CCDC186: variants seen among roughly 807,000 people sequenced by gnomAD.
The protein encoded by CCDC186 is coiled-coil domain-containing protein 186.
In CCDC186, 49 loss-of-function variants were observed where a neutral mutation model predicts 113.7. The observed-to-expected ratio is 0.43, with a 90% CI of 0.34 to 0.55. The LOEUF is 0.55. Among genes scored for constraint, CCDC186 ranks in the 20% least tolerant of loss-of-function variants. The pLI, the probability that CCDC186 is intolerant of heterozygous loss-of-function variation, is 0.02. For missense variants in CCDC186, 890 were observed against 1,011.1 expected, an observed-to-expected ratio of 0.88 and a Z score of 1.62; for synonymous variants, 355 against 345.8, an observed-to-expected ratio of 1.03 and a Z score of -0.30.
At chr10:114,144,156 A>G (rs1432502352) in intron 6 of CCDC186, among the ~76,000 whole-genome samples, 1 of 152,056 alleles carries the variant, frequency 6.6e-6, no homozygotes, top group Admixed American at 6.6e-5. Flanking sequence ...TCCCCCGTCC[A>G]ATTTCTCAGT....
At chr10:114,147,324 A>C (rs1398633233) in intron 4 of CCDC186, among the ~76,000 whole-genome samples, 1 of 152,214 alleles carries the variant, frequency 6.6e-6, no homozygotes, top group East Asian at 1.9e-4. Flanking sequence ...AAATGAATGT[A>C]CAAAGTCCTT....
In CCDC186 at chr10:114,162,677, C is replaced by T. The variant is rs1395662462; in HGVS notation, c.592G>A (p.Val198Met). The T allele has an allele frequency of 6.3e-7, 1 of 1,599,822 alleles. No individual in the cohort carries two copies. Among genetic ancestry groups the T allele is most frequent in the Non-Finnish European group, 8.5e-7 (1 of 1,175,774 alleles). ...TCCTGCTGCAAATATTTATCTTGCACACACTTTTCAAACAGAACTAATGCA... is the reference window on the plus strand; with the variant it reads ...TCCTGCTGCAAATATTTATCTTGCATACACTTTTCAAACAGAACTAATGCA... ...EHALVLFEKC[V>M]QDKYLQQEHI... The change falls in exon 2 of 16, where the codon GTG becomes ATG. Residue 198 changes from valine (V) to methionine (M), a missense_variant. Transcript: ENST00000369287.
chr10:114,157,764 C>G, intron 2 of CCDC186, 84 bp from the exon 3 acceptor site: 1 of 1,056,108 alleles, frequency 9.5e-7, no homozygotes. Flanking sequence ...CTTTACAGAT[C>G]AGGGTACAGA....
rs1412632032 is a variant in CCDC186 at position 114,165,789 on chromosome 10, A to G, written c.-61-2460T>C. Reference sequence around the variant, plus strand: ...CTTGAACCCAGGAGGCGGAGGTTGTAGTGGGCCAAGATCGTGCCATTGCAC... The same window carrying G: ...CTTGAACCCAGGAGGCGGAGGTTGTGGTGGGCCAAGATCGTGCCATTGCAC... On this transcript the variant is annotated intron_variant, in intron 1 of 15. Coordinates refer to ENST00000369287, the MANE Select transcript of CCDC186 (RefSeq NM_018017.4). The G allele has an allele frequency of 1.5e-4, 90 of 614,956 alleles. 1 individual carries two copies. The highest frequency in any genetic ancestry group is 7.1e-5 in the Non-Finnish European group (35 of 495,956). 38.1% of individuals were successfully genotyped at this position (614,956 alleles called of 1,614,324 possible). A position where few individuals can be genotyped will look rare whatever the true frequency, so the allele number is the denominator to read the frequency against.
chr10:114,157,168 A>G (rs973181684), intron 3 of CCDC186, among the ~76,000 whole-genome samples: 1 of 150,118 alleles, frequency 6.7e-6, no homozygotes, highest in African/African-American at 2.5e-5. Context: ...CCTACATGCA[A>G]GTTTTCAGAA....
chr10:114,143,905 T>A (rs1008126286), intron 6 of CCDC186, among the ~76,000 whole-genome samples: 26 of 152,314 alleles, frequency 1.7e-4, no homozygotes, highest in African/African-American at 6.0e-4. Context: ...CAGTTAGTGC[T>A]TAAAATTACG....
In CCDC186 at chr10:114,124,192, G is replaced by A. The variant is rs1191429269; in HGVS notation, c.*951C>T. 1.3e-5 allele frequency: 2 copies of A among 152,068 alleles called. No homozygotes were observed. Among genetic ancestry groups the A allele is most frequent in the African/African-American group, 2.4e-5 (1 of 41,398 alleles). The allele number at this position is 152,068 out of a possible 1,614,324, so 9.4% of individuals were successfully genotyped here. A position where few individuals can be genotyped will look rare whatever the true frequency, so the allele number is the denominator to read the frequency against. On this transcript the variant is annotated 3_prime_UTR_variant, in exon 16 of 16. Coordinates refer to ENST00000369287, the MANE Select transcript of CCDC186 (RefSeq NM_018017.4). Reference sequence around the variant, plus strand: ...TAAATACACTGAAACATCACATTTGGGGGAACTGTATGATCACTCCACTAT... The same window carrying A: ...TAAATACACTGAAACATCACATTTGAGGGAACTGTATGATCACTCCACTAT...
At position 114,126,066 on chromosome 10, in the gene CCDC186, T is replaced by A. The variant is rs1009622695; in HGVS notation, c.2433A>T (p.Thr811=). 17 of 1,613,880 alleles carry A rather than the reference T, an allele frequency of 1.1e-5. No homozygotes were observed. Among genetic ancestry groups the A allele is most frequent in the African/African-American group, 2.7e-5 (2 of 74,926 alleles). ...QSYILREESG[T]LSSEASDFNK... is the part of the protein sequence containing the mutation. ...TAAAATCAGATGCCTCTGAAGAAAG[T>A]GTGCCTGATTCTTCTCGTAAAATAT... is the stretch of plus-strand genomic sequence containing the variant. Residue 811 remains threonine (T), a synonymous_variant, in exon 15 of 16, where the codon ACA becomes ACT. Transcript: ENST00000369287.
chr10:114,162,628 A>T lies in CCDC186; in HGVS notation c.632+9T>A. ...GAAAAAAAATAACCTAAAGGTATAA[A>T]AAACTTACTTTTTTATGATATGTTC... On this transcript the variant is annotated intron_variant, in intron 2 of 15. Transcript: ENST00000369287. The T allele has an allele frequency of 6.5e-7, 1 of 1,538,280 alleles. No homozygotes were observed. The highest frequency in any genetic ancestry group is 8.7e-7 in the Non-Finnish European group (1 of 1,146,544).
chr10:114,164,112 A>AT (rs1383372775), intron 1 of CCDC186, among the ~76,000 whole-genome samples: 2,532 of 103,296 alleles, frequency 0.025, 194 homozygotes, highest in Non-Finnish European at 0.03. Flanking sequence ...GTATATATAT[A>AT]TATTTTTTTT....
At chr10:114,145,986 T>C (rs1031601366) in intron 4 of CCDC186, among the ~76,000 whole-genome samples, 5 of 152,208 alleles carry the variant, frequency 3.3e-5, no homozygotes, top group Non-Finnish European at 5.9e-5. Flanking sequence ...CTGTTCCTTT[T>C]ACTTCGGCTA....
intron 15 of CCDC186, 62 bp from the exon 16 acceptor site, chr10:114,125,288 T>C: frequency 7.8e-7 from 1 of 1,281,106 alleles, no homozygotes; most frequent in East Asian, 2.4e-5. Context: ...AATAAAACAA[T>C]TCAGTTTGAA....
At chr10:114,139,206 T>TC (rs1409296636) in intron 6 of CCDC186, among the ~76,000 whole-genome samples, 1 of 111,134 alleles carries the variant, frequency 9.0e-6, no homozygotes, top group East Asian at 2.6e-4. Flanking sequence ...TTTGTTCCTT[T>TC]TTTTTTTTTT....
At chr10:114,163,966 T>C (rs532694373) in intron 1 of CCDC186, among the ~76,000 whole-genome samples, 1 of 151,284 alleles carries the variant, frequency 6.6e-6, no homozygotes, top group South Asian at 2.1e-4. Flanking sequence ...TTTTCAAACA[T>C]TCTCATCAGG....
intron 4 of CCDC186, among the ~76,000 whole-genome samples, chr10:114,150,348 A>T (rs1439019400): frequency 1.3e-5 from 2 of 152,222 alleles, no homozygotes; most frequent in Non-Finnish European, 2.9e-5. Flanking sequence ...ATACCAACTT[A>T]AAAAGATTAC....
intron 4 of CCDC186, among the ~76,000 whole-genome samples, chr10:114,149,622 GGAAA>G (rs1178402924): frequency 4.3e-4 from 4 of 9,374 alleles, no homozygotes; most frequent in African/African-American, 1.1e-3. Context: ...GGGAAGGGAA[GGAAA>G]GGGAGGGGAG....
Position 114,130,233 on chromosome 10 carries a change from G to A in CCDC186, c.2102-262C>T, listed in dbSNP as rs541852281. ...AGTGGAGTTAACTTTTTAAAGTATT[G>A]AAAGATTTAGAAGTTCCTTACAGTA... On this transcript the variant is annotated intron_variant, in intron 12 of 15. Transcript: ENST00000369287. 4.8e-3 allele frequency: 1,155 copies of A among 240,434 alleles called. 4 individuals carry two copies. Among genetic ancestry groups the A allele is most frequent in the Middle Eastern group, 0.016 (11 of 690 alleles). 14.9% of individuals were successfully genotyped at this position (240,434 alleles called of 1,614,324 possible). A position where few individuals can be genotyped will look rare whatever the true frequency, so the allele number is the denominator to read the frequency against.
At chr10:114,131,641 G>A (rs568640689) in intron 11 of CCDC186, among the ~76,000 whole-genome samples, 1 of 152,212 alleles carries the variant, frequency 6.6e-6, no homozygotes, top group South Asian at 2.1e-4. Context: ...TATAAAAATA[G>A]AAATTTAAAG....
chr10:114,173,922 A>C (rs1237283927), intron 1 of CCDC186, 93 bp downstream of exon 1: 2 of 420,044 alleles, frequency 4.8e-6, no homozygotes, highest in African/African-American at 4.1e-5. Flanking sequence ...CGCCCCCGCC[A>C]CGGAACGTGC....
Sources: allele counts gnomAD v4.1 joint callset (sites outside exome capture counted in the v4.1 genomes callset), GRCh38; gene constraint gnomAD v4.1.1; transcripts MANE v1.5; gene names NCBI Gene and HGNC (gene_info 2026-07-23, HGNC 2026-07-21).